The following DLG2 variants were observed in gnomAD, a reference collection of about 807,000 sequenced individuals.
DLG2 encodes disks large homolog 2.
A neutral mutation model predicts 132.5 loss-of-function variants in DLG2; 45 were observed. That is an observed-to-expected ratio of 0.34 (90% confidence interval 0.27 to 0.44). DLG2 has a LOEUF of 0.44. Among genes scored for constraint, DLG2 ranks in the 20% least tolerant of loss-of-function variants. The pLI is 1.00. For synonymous variants in DLG2, 424 were observed against 419.6 expected (o/e 1.01, Z -0.13); for missense variants, 1,045 against 1,196.9 (o/e 0.87, Z 1.87).
chr11:83,749,762 A>T (rs989908657), intron 18 of DLG2, among the ~76,000 whole-genome samples: 1 of 152,108 alleles, frequency 6.6e-6, no homozygotes, highest in African/African-American at 2.4e-5. Context: ...GTATGTAGGG[A>T]CCTACACTGG....
At chr11:83,732,011 T>C (rs1490143341) in intron 18 of DLG2, among the ~76,000 whole-genome samples, 3 of 152,216 alleles carry the variant, frequency 2.0e-5, no homozygotes, top group Non-Finnish European at 4.4e-5. Context: ...TTTGTTACTA[T>C]TTGGTATTAT....
chr11:84,663,043 T>C (rs753493698), intron 6 of DLG2, among the ~76,000 whole-genome samples: 40 of 151,998 alleles, frequency 2.6e-4, no homozygotes, highest in Non-Finnish European at 5.0e-4. Context: ...AAGACATAAA[T>C]ACTTTCCTCT....
chr11:84,748,692 G>A (rs2065710365), intron 6 of DLG2, among the ~76,000 whole-genome samples: 1 of 152,218 alleles, frequency 6.6e-6, no homozygotes, highest in Non-Finnish European at 1.5e-5. Context: ...GTTTGTGGTA[G>A]AGAAGTAAAG....
chr11:83,589,414 A>G (rs1354640602), intron 19 of DLG2, among the ~76,000 whole-genome samples: 20 of 150,896 alleles, frequency 1.3e-4, no homozygotes, highest in African/African-American at 4.9e-4. Flanking sequence ...AAGGAGAAAT[A>G]AAATACTTTA....
chr11:84,653,761 T>C (rs2099684852), intron 6 of DLG2, among the ~76,000 whole-genome samples: 1 of 152,168 alleles, frequency 6.6e-6, no homozygotes, highest in African/African-American at 2.4e-5. Flanking sequence ...CTCAGGAAAA[T>C]GTCTCCTGCT....
At chr11:84,318,846 C>T (rs1167805112) in intron 7 of DLG2, among the ~76,000 whole-genome samples, 3 of 152,010 alleles carry the variant, frequency 2.0e-5, no homozygotes, top group South Asian at 2.1e-4. Context: ...CCTTTCACAC[C>T]GTCCACCACA....
At chr11:84,594,005 G>A (rs2099550252) in intron 6 of DLG2, among the ~76,000 whole-genome samples, 1 of 151,984 alleles carries the variant, frequency 6.6e-6, no homozygotes, top group South Asian at 2.1e-4. Flanking sequence ...ATTTTCCCAA[G>A]AAATGCCAAT....
intron 6 of DLG2, among the ~76,000 whole-genome samples, chr11:84,779,133 C>T (rs751352277): frequency 2.0e-5 from 3 of 151,928 alleles, no homozygotes; most frequent in Non-Finnish European, 4.4e-5. Flanking sequence ...TGGGACTTCA[C>T]GTTGTGATTG....
At chr11:83,988,256 T>C (rs2093469020) in intron 11 of DLG2, among the ~76,000 whole-genome samples, 1 of 152,208 alleles carries the variant, frequency 6.6e-6, no homozygotes, top group Non-Finnish European at 1.5e-5. Flanking sequence ...CTAGGTTTAT[T>C]ATAGTTTTGG....
intron 3 of DLG2, among the ~76,000 whole-genome samples, chr11:85,360,458 T>C (rs1565377664): frequency 6.6e-6 from 1 of 152,204 alleles, no homozygotes; most frequent in African/African-American, 2.4e-5. Context: ...GTAAGTTTTG[T>C]TATTAGCCGG....
At chr11:83,532,964 A>G (rs1340711504) in intron 20 of DLG2, among the ~76,000 whole-genome samples, 181 bp from the exon 21 acceptor site, 3 of 152,208 alleles carry the variant, frequency 2.0e-5, no homozygotes, top group Non-Finnish European at 2.9e-5. Context: ...AGTTTCTAAC[A>G]TGTCCCTTGA....
chr11:83,963,573 C>T (rs2089432406), intron 13 of DLG2, among the ~76,000 whole-genome samples: 1 of 151,938 alleles, frequency 6.6e-6, no homozygotes, highest in African/African-American at 2.4e-5. Context: ...TTGCTCCTTT[C>T]TCTCTCCTCA....
chr11:84,369,984 GC>G (rs1005676441), intron 7 of DLG2, among the ~76,000 whole-genome samples: 1 of 152,076 alleles, frequency 6.6e-6, no homozygotes. Context: ...AATAAAACCA[GC>G]TTTTGAATCT....
chr11:85,342,053 G>T (rs1032293055), intron 3 of DLG2, among the ~76,000 whole-genome samples: 4 of 152,092 alleles, frequency 2.6e-5, no homozygotes, highest in African/African-American at 9.7e-5. Context: ...TGAAGGCCTA[G>T]GACATTACTA....
At chr11:85,033,201 C>T (rs2061167201) in intron 6 of DLG2, among the ~76,000 whole-genome samples, 1 of 151,708 alleles carries the variant, frequency 6.6e-6, no homozygotes, top group Non-Finnish European at 1.5e-5. Flanking sequence ...CTATAAAAAT[C>T]CAGCTTATTT....
intron 6 of DLG2, among the ~76,000 whole-genome samples, chr11:84,673,610 A>G (rs923095718): frequency 2.6e-5 from 4 of 151,012 alleles, no homozygotes; most frequent in African/African-American, 9.7e-5. Context: ...CTAAAAAAAA[A>G]AAAAAAATTA....
intron 6 of DLG2, among the ~76,000 whole-genome samples, chr11:84,897,449 G>T (rs553886953): frequency 1.3e-5 from 2 of 151,764 alleles, no homozygotes; most frequent in Non-Finnish European, 2.9e-5. Flanking sequence ...GCATGGCCTT[G>T]TTTCTCTCCT....
At chr11:83,606,030 T>A (rs2059288314) in intron 19 of DLG2, among the ~76,000 whole-genome samples, 1 of 152,208 alleles carries the variant, frequency 6.6e-6, no homozygotes, top group African/African-American at 2.4e-5. Flanking sequence ...TTATGCTACT[T>A]TTTAGACTCA....
At chr11:85,278,690 A>C (rs1189692679) in intron 4 of DLG2, among the ~76,000 whole-genome samples, 1 of 152,138 alleles carries the variant, frequency 6.6e-6, no homozygotes, top group African/African-American at 2.4e-5. Flanking sequence ...AGTTTTCTCC[A>C]CCTGCAAGAC....
Sources: gnomAD v4.1 joint callset for allele counts (sites outside exome capture counted in the v4.1 genomes callset) on GRCh38, gnomAD v4.1.1 for gene constraint, MANE v1.5 for transcripts, NCBI Gene and HGNC (gene_info 2026-07-23, HGNC 2026-07-21) for gene names.